Variants in SAE1 observed in about 807,000 individuals in gnomAD.
The protein encoded by SAE1 is SUMO-activating enzyme subunit 1.
A neutral mutation model predicts 40.6 loss-of-function variants in SAE1; 11 were observed. The observed-to-expected ratio is 0.27, with a 90% CI of 0.17 to 0.45. The LOEUF (loss-of-function observed/expected upper bound fraction) is 0.45. Ranked by LOEUF, SAE1 falls within the 20% of genes least tolerant of loss-of-function variation. The pLI, the probability that SAE1 is intolerant of heterozygous loss-of-function variation, is 1.00. For synonymous variants in SAE1, 155 were observed against 154.3 expected (o/e 1.00, Z -0.03); for missense variants, 373 against 427.3 (o/e 0.87, Z 1.12).
At chr19:47,199,945 T>C (rs1469068483) in intron 7 of SAE1, among the ~76,000 whole-genome samples, 1 of 151,920 alleles carries the variant, frequency 6.6e-6, no homozygotes, top group Admixed American at 6.6e-5. Context: ...TTTTTTTTTT[T>C]TTGGAGACAG....
chr19:47,154,967 T>A, intron 4 of SAE1, 147 bp from the exon 5 acceptor site: 2 of 629,498 alleles, frequency 3.2e-6, no homozygotes. Flanking sequence ...ATGTTATCAA[T>A]GGCAGAGCTC....
rs373039269 is a variant in SAE1 at position 47,160,307 on chromosome 19, C to T, written c.627+5094C>T. ...TGCGATCTCGGCTCACTGCAACCTC[C>T]GCCTCCCGGGTTTAAGCGATTCTCC... On this transcript the variant is annotated intron_variant, in intron 5 of 8. Transcript: ENST00000270225. Among the ~76,000 whole-genome samples the T allele has an allele frequency of 5.4e-5, 8 of 149,058 alleles. No individual in the cohort carries two copies. The South Asian group carries it at 1.1e-3, about 20-fold the overall frequency.
chr19:47,142,005 T>C (rs1379648332), intron 1 of SAE1, among the ~76,000 whole-genome samples: 1 of 152,212 alleles, frequency 6.6e-6, no homozygotes, highest in African/African-American at 2.4e-5. Flanking sequence ...TTCTGCTTCC[T>C]ACTGACCTCA....
chr19:47,206,605 A>G (rs1010302629), intron 8 of SAE1, among the ~76,000 whole-genome samples: 3 of 151,992 alleles, frequency 2.0e-5, no homozygotes, highest in African/African-American at 7.3e-5. Context: ...CTCCCTGTCT[A>G]TGGTAAGAGA....
chr19:47,157,094 A>T (rs968936506), intron 5 of SAE1, among the ~76,000 whole-genome samples: 1 of 152,238 alleles, frequency 6.6e-6, no homozygotes, highest in East Asian at 1.9e-4. Context: ...GCAGAAAACC[A>T]CAAAAGTGGA....
chr19:47,152,912 C>T lies in SAE1; in HGVS notation c.399C>T (p.Cys133=). The T allele has an allele frequency of 6.2e-7, 1 of 1,611,792 alleles. No homozygotes were observed. The highest frequency in any genetic ancestry group is 1.3e-5 in the African/African-American group (1 of 74,914). ...TCTTTCTGCAGGTGTGTCTGACTTGCTGCTCCAGGGATGTCATAGTTAAAG... is the reference window on the plus strand; with the variant it reads ...TCTTTCTGCAGGTGTGTCTGACTTGTTGCTCCAGGGATGTCATAGTTAAAG... ...FTQFDAVCLT[C]CSRDVIVKVD... is the part of the protein sequence containing the mutation. Residue 133 remains cysteine (C), a synonymous_variant, in exon 4 of 9, where the codon TGC becomes TGT. Coordinates refer to ENST00000270225, the MANE Select transcript of SAE1 (RefSeq NM_005500.3).
At chr19:47,204,609 C>T (rs763194093) in intron 8 of SAE1, among the ~76,000 whole-genome samples, 2 of 149,234 alleles carry the variant, frequency 1.3e-5, no homozygotes, top group Non-Finnish European at 3.0e-5. Context: ...TGGGTTCAAG[C>T]GATTCTCCTG....
chr19:47,168,863 C>T (rs567633035), intron 5 of SAE1, among the ~76,000 whole-genome samples: 14 of 152,186 alleles, frequency 9.2e-5, no homozygotes, highest in African/African-American at 3.1e-4. Flanking sequence ...CTCGGCCTCC[C>T]AAAGTGCTAG....
chr19:47,180,132 T>G (rs1371756461), intron 6 of SAE1: 2 of 455,800 alleles, frequency 4.4e-6, no homozygotes, highest in Admixed American at 4.7e-5. Context: ...CTTTTACACG[T>G]GTTTATTTCC....
intron 3 of SAE1, among the ~76,000 whole-genome samples, chr19:47,152,413 CTTGT>C (rs1217620248): frequency 6.6e-6 from 1 of 152,160 alleles, no homozygotes; most frequent in Admixed American, 6.5e-5. Flanking sequence ...CTCAACAGGA[CTTGT>C]TTATCTTCTT....
chr19:47,165,006 C>T (rs1251617905), intron 5 of SAE1, among the ~76,000 whole-genome samples: 4 of 150,512 alleles, frequency 2.7e-5, no homozygotes, highest in Non-Finnish European at 4.4e-5. Context: ...AGGCTGGTCT[C>T]GAACTCCAGA....
chr19:47,179,887 T>C (rs2058495585), intron 6 of SAE1, among the ~76,000 whole-genome samples: 1 of 152,018 alleles, frequency 6.6e-6, no homozygotes, highest in Non-Finnish European at 1.5e-5. Context: ...TGATAGGGGT[T>C]AGCAATTCTG....
At chr19:47,195,212 G>A (rs1438349706) in intron 6 of SAE1, among the ~76,000 whole-genome samples, 9 of 151,572 alleles carry the variant, frequency 5.9e-5, no homozygotes, top group Admixed American at 2.0e-4. Context: ...CTGCCACCAC[G>A]CCTGGCTAAT....
chr19:47,134,007 C>A (rs1018386107), intron 1 of SAE1, among the ~76,000 whole-genome samples: 3 of 151,716 alleles, frequency 2.0e-5, no homozygotes, highest in Admixed American at 6.6e-5. Context: ...GGATTACAGG[C>A]GCCCGCCACC....
At chr19:47,193,825 C>CA (rs1174941973) in intron 6 of SAE1, among the ~76,000 whole-genome samples, 2,081 of 87,662 alleles carry the variant, frequency 0.024, 16 homozygotes, top group Middle Eastern at 0.07. Context: ...AAGATTGTCT[C>CA]AAAAAAAAAA....
chr19:47,153,560 A>G (rs1393887452), intron 4 of SAE1, among the ~76,000 whole-genome samples: 2 of 152,128 alleles, frequency 1.3e-5, no homozygotes, highest in African/African-American at 2.4e-5. Context: ...AAACCCTCCA[A>G]CTTGCTAATT....
At chr19:47,170,503 CTTTTTTTTTTT>C (rs34836827) in intron 6 of SAE1, among the ~76,000 whole-genome samples, 1 of 83,910 alleles carries the variant, frequency 1.2e-5, no homozygotes, top group Non-Finnish European at 2.2e-5. Flanking sequence ...CGCCCCCCGC[CTTTTTTTTTTT>C]TTTTTTTTTT....
At position 47,152,954 on chromosome 19, in the gene SAE1, C is replaced by G; in HGVS notation, c.441C>G (p.His147Gln). ...DVIVKVDQIC[H>Q]KNSIKFFTGD... ...TAGTTAAAGTTGACCAGATCTGTCACAAAAATAGCATCAAGTTCTTTACAG... is the reference window on the plus strand; with the variant it reads ...TAGTTAAAGTTGACCAGATCTGTCAGAAAAATAGCATCAAGTTCTTTACAG... The change falls in exon 4 of 9, where the codon CAC becomes CAG. Residue 147 changes from histidine (H) to glutamine (Q), a missense_variant. Physicochemically the swap from His to Gln is conservative, Grantham distance 24. Around this residue, in one of 3 missense-constraint regions of SAE1, gnomAD observed 351 missense variants for 390.6 expected, o/e 0.90. Coordinates refer to ENST00000270225, the MANE Select transcript of SAE1 (RefSeq NM_005500.3). 3.1e-6 allele frequency: 5 copies of G among 1,612,442 alleles called. No individual in the cohort carries two copies. The highest frequency in any genetic ancestry group is 4.2e-6 in the Non-Finnish European group (5 of 1,179,834).
chr19:47,207,920 G>A (rs1179005866), intron 8 of SAE1, among the ~76,000 whole-genome samples: 4 of 152,074 alleles, frequency 2.6e-5, no homozygotes, highest in South Asian at 4.1e-4. Flanking sequence ...ACAGATGTGA[G>A]ACATTAAGCC....
Sources: allele counts gnomAD v4.1 joint callset (sites outside exome capture counted in the v4.1 genomes callset), GRCh38; gene constraint gnomAD v4.1.1; regional missense constraint gnomAD v4.1.1; transcripts MANE v1.5; gene names NCBI Gene and HGNC (gene_info 2026-07-23, HGNC 2026-07-21).